The following SUGCT variants were observed in gnomAD, a reference collection of about 807,000 sequenced individuals.
SUGCT encodes the protein succinyl-CoA:glutarate-CoA transferase.
SUGCT carries 41 observed loss-of-function variants against 55.0 expected under a neutral mutation model. That is an observed-to-expected ratio of 0.74 (90% CI 0.58 to 0.97). The LOEUF (loss-of-function observed/expected upper bound fraction) is 0.97. Ranked by LOEUF, SUGCT falls within the 50% of genes least tolerant of loss-of-function variation. SUGCT has a pLI of 0.00. For missense variants in SUGCT, 568 were observed against 547.8 expected (o/e 1.04, Z -0.37); for synonymous variants, 187 against 200.4 (o/e 0.93, Z 0.56).
chr7:40,881,683 C>A, the SUGCT span, among the ~76,000 whole-genome samples: 2 of 152,216 alleles, frequency 1.3e-5, no homozygotes, highest in African/African-American at 4.8e-5. Context: ...TTTTCCAGAT[C>A]TCAGGCACAG....
chr7:40,227,489 C>G, intron 6 of SUGCT, among the ~76,000 whole-genome samples: 1 of 152,116 alleles, frequency 6.6e-6, no homozygotes, highest in East Asian at 1.9e-4. Context: ...TTCAGCCTCC[C>G]CAGTAGCTAG....
intron 12 of SUGCT, among the ~76,000 whole-genome samples, chr7:40,521,858 T>C (rs777994377): frequency 2.6e-5 from 4 of 152,098 alleles, no homozygotes; most frequent in African/African-American, 4.8e-5. Context: ...AGTGGAAACA[T>C]AGATTGGTGG....
intron 13 of SUGCT, among the ~76,000 whole-genome samples, chr7:40,758,291 T>TA (rs1318704595): frequency 6.6e-6 from 1 of 152,090 alleles, no homozygotes; most frequent in African/African-American, 2.4e-5. Flanking sequence ...ATTTTTTTTT[T>TA]AATGATCAGT....
At chr7:40,770,802 A>G (rs6956585) in intron 13 of SUGCT, among the ~76,000 whole-genome samples, 83,886 of 151,916 alleles carry the variant, frequency 0.55, 25,064 homozygotes, top group Admixed American at 0.71. Context: ...CTAATCCCCA[A>G]TGCACTGGTG....
chr7:40,793,770 G>C (rs1021382551), intron 13 of SUGCT, among the ~76,000 whole-genome samples: 4 of 152,006 alleles, frequency 2.6e-5, no homozygotes, highest in African/African-American at 7.2e-5. Flanking sequence ...CCAGTTAGCT[G>C]TATGTTAACC....
the SUGCT span, among the ~76,000 whole-genome samples, chr7:40,931,574 C>T: frequency 6.6e-6 from 1 of 152,054 alleles, no homozygotes; most frequent in African/African-American, 2.4e-5. Flanking sequence ...GGTTGATAGG[C>T]TATTAATTAT....
chr7:40,367,745 G>T (rs1440159167), intron 9 of SUGCT, among the ~76,000 whole-genome samples: 1 of 152,020 alleles, frequency 6.6e-6, no homozygotes, highest in African/African-American at 2.4e-5. Context: ...CCCGACCGTG[G>T]TCTGTTATCT....
chr7:40,380,786 T>C (rs1784831853), intron 9 of SUGCT, among the ~76,000 whole-genome samples: 1 of 152,204 alleles, frequency 6.6e-6, no homozygotes, highest in Non-Finnish European at 1.5e-5. Flanking sequence ...CTTTCTTAAT[T>C]TGATTGCTGC....
At chr7:41,028,764 A>T in the SUGCT span, among the ~76,000 whole-genome samples, 1 of 152,194 alleles carries the variant, frequency 6.6e-6, no homozygotes. Context: ...AACCTAAATG[A>T]TTCAGCTCTC....
chr7:40,974,312 G>T, the SUGCT span, among the ~76,000 whole-genome samples: 2 of 152,178 alleles, frequency 1.3e-5, no homozygotes, highest in African/African-American at 4.8e-5. Context: ...ACCCTCCAAT[G>T]TGACTATACT....
At chr7:40,203,064 G>A (rs1185250892) in intron 6 of SUGCT, among the ~76,000 whole-genome samples, 1 of 152,148 alleles carries the variant, frequency 6.6e-6, no homozygotes, top group African/African-American at 2.4e-5. Context: ...TTGTATCAAG[G>A]TCTCTGACGC....
chr7:40,555,174 C>A (rs565345935), intron 12 of SUGCT, among the ~76,000 whole-genome samples: 3 of 152,002 alleles, frequency 2.0e-5, no homozygotes, highest in South Asian at 4.2e-4. Context: ...GCCCCCAGAG[C>A]TGGACCAGTT....
chr7:40,334,269 A>G (rs573538695), intron 9 of SUGCT, among the ~76,000 whole-genome samples: 115 of 152,288 alleles, frequency 7.6e-4, no homozygotes, highest in African/African-American at 2.7e-3. Context: ...TATACCCAGT[A>G]ATGGGATGGC....
intron 9 of SUGCT, among the ~76,000 whole-genome samples, chr7:40,359,573 C>G (rs532985598): frequency 6.6e-6 from 1 of 152,244 alleles, no homozygotes; most frequent in South Asian, 2.1e-4. Flanking sequence ...CATGGTAACT[C>G]TTGTTTACCC....
chr7:40,953,866 G>C, the SUGCT span, among the ~76,000 whole-genome samples: 1 of 152,226 alleles, frequency 6.6e-6, no homozygotes, highest in East Asian at 1.9e-4. Flanking sequence ...GCCCCTATTG[G>C]GGGGTGCCTC....
chr7:40,356,767 C>G (rs71536678), intron 9 of SUGCT, among the ~76,000 whole-genome samples: 14,941 of 152,182 alleles, frequency 0.098, 896 homozygotes, highest in Non-Finnish European at 0.15. Context: ...TGTAGTTGTT[C>G]TGTGCAGTCT....
intron 1 of SUGCT, among the ~76,000 whole-genome samples, chr7:40,165,963 T>C (rs1340305569): frequency 6.6e-6 from 1 of 152,010 alleles, no homozygotes; most frequent in African/African-American, 2.4e-5. Context: ...CTACAAAAAA[T>C]ATATAAAAAT....
At chr7:40,901,638 T>C in the SUGCT span, among the ~76,000 whole-genome samples, 1 of 152,142 alleles carries the variant, frequency 6.6e-6, no homozygotes, top group African/African-American at 2.4e-5. Flanking sequence ...ACGTTAACCT[T>C]GTGGCTTTCT....
intron 13 of SUGCT, among the ~76,000 whole-genome samples, chr7:40,847,021 G>A (rs575962115): frequency 1.3e-5 from 2 of 152,236 alleles, no homozygotes; most frequent in African/African-American, 4.8e-5. Flanking sequence ...TCATTCCACT[G>A]GCCAAAATTG....
Sources: allele counts gnomAD v4.1 joint callset (sites outside exome capture counted in the v4.1 genomes callset), GRCh38; gene constraint gnomAD v4.1.1; transcripts MANE v1.5; gene names NCBI Gene and HGNC (gene_info 2026-07-23, HGNC 2026-07-21).